The following CNTN5 variants were observed in gnomAD, a reference collection of about 807,000 sequenced individuals.
CNTN5 encodes the protein contactin-5.
Under a neutral mutation model 129.1 loss-of-function variants are expected in CNTN5, and 77 were observed. The observed-to-expected ratio is 0.60, with a 90% CI of 0.50 to 0.72. The LOEUF (loss-of-function observed/expected upper bound fraction) is 0.72, where lower values mean the gene tolerates loss of function less well. Ranked by LOEUF, CNTN5 falls within the 30% of genes least tolerant of loss-of-function variation. The probability of loss-of-function intolerance (pLI) is 0.00; values close to 1 mark genes in which losing one functional copy is unlikely to be tolerated. For synonymous variants in CNTN5, 509 were observed against 465.6 expected, an observed-to-expected ratio of 1.09 and a Z score of -1.20; for missense variants, 1,478 against 1,328.8, an observed-to-expected ratio of 1.11 and a Z score of -1.75.
In CNTN5 at chr11:100,016,494, C is replaced by T. The variant is rs140960837; in HGVS notation, c.980+14358C>T. ...CTGAATTGTCTTATAGCTCATTCTT[C>T]GTTGCCTTAGATTATTCATGAATCT... On this transcript the variant is annotated intron_variant, in intron 9 of 24. Transcript: ENST00000524871. Among the ~76,000 whole-genome samples the T allele has an allele frequency of 1.2e-3, 186 of 152,016 alleles. 2 individuals carry two copies. Among genetic ancestry groups the T allele is most frequent in the African/African-American group, 4.4e-3 (181 of 41,502 alleles).
intron 1 of CNTN5, among the ~76,000 whole-genome samples, chr11:99,205,185 C>T (rs914123980): frequency 1.7e-4 from 12 of 71,708 alleles, no homozygotes; most frequent in Non-Finnish European, 3.5e-4. Context: ...ACAAAAAAAA[C>T]TCCAAGAAAC....
chr11:99,086,460 G>T (rs1399591744), intron 1 of CNTN5, among the ~76,000 whole-genome samples: 1 of 152,180 alleles, frequency 6.6e-6, no homozygotes, highest in Non-Finnish European at 1.5e-5. Flanking sequence ...ATTGCAGAAG[G>T]TGAAGTGGGG....
At chr11:99,276,195 G>T (rs59531193) in intron 1 of CNTN5, among the ~76,000 whole-genome samples, 2,607 of 151,738 alleles carry the variant, frequency 0.017, 41 homozygotes, top group African/African-American at 0.037. Flanking sequence ...GATGGATCTT[G>T]CTTCAAAGTT....
intron 2 of CNTN5, among the ~76,000 whole-genome samples, chr11:99,473,416 A>C (rs1945250244): frequency 6.6e-6 from 1 of 152,188 alleles, no homozygotes; most frequent in Non-Finnish European, 1.5e-5. Context: ...ATACTACAGA[A>C]GTAATTTATA....
intron 2 of CNTN5, among the ~76,000 whole-genome samples, chr11:99,503,778 T>C (rs1048266134): frequency 9.2e-5 from 14 of 152,264 alleles, no homozygotes; most frequent in Admixed American, 8.5e-4. Flanking sequence ...TTTTTTGTAA[T>C]ATATATTATA....
chr11:99,154,131 C>T (rs966659827), intron 1 of CNTN5, among the ~76,000 whole-genome samples: 3 of 152,146 alleles, frequency 2.0e-5, no homozygotes, highest in Non-Finnish European at 4.4e-5. Context: ...CTTGCATGTG[C>T]CAGCAATTGT....
intron 1 of CNTN5, among the ~76,000 whole-genome samples, chr11:99,060,405 T>C (rs941819300): frequency 3.3e-5 from 5 of 152,132 alleles, no homozygotes; most frequent in African/African-American, 1.2e-4. Context: ...AATTTAGATT[T>C]ATACGGGTTG....
At chr11:100,339,525 A>G (rs1952113702) in intron 21 of CNTN5, among the ~76,000 whole-genome samples, 2 of 152,086 alleles carry the variant, frequency 1.3e-5, no homozygotes, top group Non-Finnish European at 2.9e-5. Context: ...GCAAGATTCA[A>G]TTGGTAAAAA....
chr11:99,813,768 C>T (rs921636106), intron 3 of CNTN5, among the ~76,000 whole-genome samples: 3 of 152,066 alleles, frequency 2.0e-5, no homozygotes, highest in Admixed American at 6.6e-5. Flanking sequence ...TACATAAAGA[C>T]AATATTCAAA....
chr11:99,209,544 C>T (rs952827499), intron 1 of CNTN5, among the ~76,000 whole-genome samples: 12 of 152,090 alleles, frequency 7.9e-5, no homozygotes, highest in African/African-American at 2.4e-4. Context: ...ATGAGGGATC[C>T]GCCGCCATGA....
At chr11:100,154,372 G>A (rs1430324410) in intron 13 of CNTN5, among the ~76,000 whole-genome samples, 1 of 151,790 alleles carries the variant, frequency 6.6e-6, no homozygotes, top group African/African-American at 2.4e-5. Flanking sequence ...CACTTGGGTT[G>A]GTTCCAAGTC....
intron 8 of CNTN5, among the ~76,000 whole-genome samples, chr11:99,998,274 ACCT>A (rs1939596231): frequency 6.6e-6 from 1 of 151,820 alleles, no homozygotes; most frequent in South Asian, 2.1e-4. Context: ...TCAGCCCAAA[ACCT>A]CCTCAAGCTG....
intron 1 of CNTN5, among the ~76,000 whole-genome samples, chr11:99,071,411 A>G (rs1260363750): frequency 6.6e-6 from 1 of 152,134 alleles, no homozygotes; most frequent in Non-Finnish European, 1.5e-5. Context: ...GAGTCCACAA[A>G]ACCAGGACAA....
At chr11:99,573,015 G>A (rs1360871342) in intron 3 of CNTN5, among the ~76,000 whole-genome samples, 1 of 152,030 alleles carries the variant, frequency 6.6e-6, no homozygotes, top group African/African-American at 2.4e-5. Context: ...ATTTAAAATA[G>A]CCAAATATGA....
chr11:100,166,777 T>C (rs1408537474), intron 13 of CNTN5, among the ~76,000 whole-genome samples: 6 of 151,794 alleles, frequency 4.0e-5, no homozygotes, highest in Non-Finnish European at 8.8e-5. Flanking sequence ...AAAATTGTCT[T>C]ACCTGGTGGA....
rs558847654 is a variant in CNTN5 at position 99,539,494 on chromosome 11, C to G, written c.-70-16651C>G. 3.3e-5 allele frequency among the ~76,000 whole-genome samples: 5 copies of G among 152,054 alleles called. No homozygotes were observed. The East Asian group carries it at 9.7e-4, about 29-fold the overall frequency. ...TCTTAAGCTGAAAGAGAAAACTAGT[C>G]TAAGATAAAAATATTTATGGAATCC... On this transcript the variant is annotated intron_variant, in intron 2 of 24. Coordinates refer to ENST00000524871, the MANE Select transcript of CNTN5 (RefSeq NM_014361.4).
chr11:100,259,590 A>C (rs2138741457), intron 17 of CNTN5, among the ~76,000 whole-genome samples: 1 of 152,308 alleles, frequency 6.6e-6, no homozygotes, highest in African/African-American at 2.4e-5. Flanking sequence ...GTAATAACAA[A>C]CAGTCTCTCA....
chr11:100,072,770 A>G (rs188494185), intron 12 of CNTN5, among the ~76,000 whole-genome samples: 1 of 152,090 alleles, frequency 6.6e-6, no homozygotes, highest in Non-Finnish European at 1.5e-5. Flanking sequence ...CATTACAACA[A>G]ATCCATCCAA....
At chr11:99,438,763 G>GT (rs1056302872) in intron 2 of CNTN5, among the ~76,000 whole-genome samples, 20 of 152,012 alleles carry the variant, frequency 1.3e-4, no homozygotes, top group Non-Finnish European at 4.4e-5. Context: ...TCAATCCAGA[G>GT]TTTTTTTATA....
Sources: gnomAD v4.1 joint callset for allele counts (sites outside exome capture counted in the v4.1 genomes callset) on GRCh38, gnomAD v4.1.1 for gene constraint, MANE v1.5 for transcripts, NCBI Gene and HGNC (gene_info 2026-07-23, HGNC 2026-07-21) for gene names.